Variants in RUNX2 observed in about 807,000 individuals in gnomAD.
The protein encoded by RUNX2 is runt-related transcription factor 2.
A neutral mutation model predicts 51.7 loss-of-function variants in RUNX2; 10 were observed. That is an observed-to-expected ratio of 0.19 (90% CI 0.12 to 0.33). The LOEUF (loss-of-function observed/expected upper bound fraction) is 0.33, where lower values mean the gene tolerates loss of function less well. Ranked by LOEUF, RUNX2 falls within the 10% of genes least tolerant of loss-of-function variation. The pLI is 1.00. For synonymous variants in RUNX2, 276 were observed against 273.6 expected, an observed-to-expected ratio of 1.01 and a Z score of -0.09; for missense variants, 562 against 691.3, an observed-to-expected ratio of 0.81 and a Z score of 2.10.
rs1358465768 is a variant in RUNX2, at chr6:45,395,578, A to G, written c.59-27015A>G. On this transcript the variant is annotated intron_variant, in intron 2 of 8. Coordinates refer to ENST00000647337, the MANE Select transcript of RUNX2 (RefSeq NM_001024630.4). ...AGGGGAAAATGTGTGACAAAAATTTAGCAAAAGAGGAGGCAATTTCTATGG... is the reference window on the plus strand; with the variant it reads ...AGGGGAAAATGTGTGACAAAAATTTGGCAAAAGAGGAGGCAATTTCTATGG... Among the ~76,000 whole-genome samples the G allele has an allele frequency of 2.0e-5, 3 of 152,272 alleles. No individual in the cohort carries two copies. In the East Asian group the frequency reaches 5.8e-4, roughly 29 times the overall value.
In RUNX2 at chr6:45,393,453, C is replaced by T. The variant is rs544240470; in HGVS notation, c.59-29140C>T. ...AAGATTTTTTTTTTTTTCCTGGAAA[C>T]GGAGTCTCGCTGCATAGCCCAGGCT... On this transcript the variant is annotated intron_variant, in intron 2 of 8. Transcript: ENST00000647337. 5.3e-4 allele frequency among the ~76,000 whole-genome samples: 81 copies of T among 151,434 alleles called. 1 individual carries two copies. The highest frequency in any genetic ancestry group is 1.5e-3 in the South Asian group (7 of 4,810).
chr6:45,513,416 C>G (rs1801223519), intron 7 of RUNX2: 1 of 152,234 alleles, frequency 6.6e-6, no homozygotes, highest in Admixed American at 6.5e-5. Flanking sequence ...GTGTTTCTGT[C>G]TCTGTTTCTC....
chr6:45,390,844 G>T (rs1449245989), intron 2 of RUNX2, among the ~76,000 whole-genome samples: 1 of 152,158 alleles, frequency 6.6e-6, no homozygotes, highest in Non-Finnish European at 1.5e-5. Context: ...GGTTTGTGGG[G>T]CAAGGGAGTA....
chr6:45,519,817 T>C (rs1801446296), intron 7 of RUNX2, among the ~76,000 whole-genome samples: 1 of 147,172 alleles, frequency 6.8e-6, no homozygotes, highest in African/African-American at 2.5e-5. Context: ...TGTGTGTGTG[T>C]GTGTGTGTGT....
chr6:45,410,967 A>G (rs1372438401), intron 2 of RUNX2, among the ~76,000 whole-genome samples: 1 of 152,178 alleles, frequency 6.6e-6, no homozygotes, highest in East Asian at 1.9e-4. Context: ...CCCACTTTTC[A>G]GTCTACCCAA....
chr6:45,416,181 T>C (rs1292051103), intron 2 of RUNX2, among the ~76,000 whole-genome samples: 3 of 152,198 alleles, frequency 2.0e-5, no homozygotes, highest in Non-Finnish European at 4.4e-5. Flanking sequence ...TTGCAGCTAA[T>C]AGAACCAAGT....
intron 5 of RUNX2, among the ~76,000 whole-genome samples, chr6:45,466,578 A>T (rs1270095656): frequency 6.6e-6 from 1 of 152,228 alleles, no homozygotes; most frequent in Non-Finnish European, 1.5e-5. Context: ...AAGGGTGGCC[A>T]GGATGGCATT....
intron 5 of RUNX2, among the ~76,000 whole-genome samples, chr6:45,451,079 G>A (rs1799158102): frequency 6.6e-6 from 1 of 152,148 alleles, no homozygotes; most frequent in Non-Finnish European, 1.5e-5. Context: ...GCCATTTTTG[G>A]TGAACAACTT....
chr6:45,470,133 C>A (rs1799755057), intron 5 of RUNX2, among the ~76,000 whole-genome samples: 1 of 152,070 alleles, frequency 6.6e-6, no homozygotes, highest in Non-Finnish European at 1.5e-5. Context: ...ATTAGTCGAA[C>A]CATAGGTGCT....
intron 5 of RUNX2, among the ~76,000 whole-genome samples, chr6:45,464,865 A>G (rs1799577345): frequency 6.6e-6 from 1 of 152,180 alleles, no homozygotes; most frequent in Non-Finnish European, 1.5e-5. Context: ...TGTGAATCAC[A>G]ATATCTCTTG....
intron 5 of RUNX2, among the ~76,000 whole-genome samples, chr6:45,471,381 T>G (rs1563101049): frequency 1.3e-5 from 2 of 152,102 alleles, no homozygotes; most frequent in African/African-American, 2.4e-5. Context: ...TTTGTGCATA[T>G]TTTTTCCTGT....
intron 7 of RUNX2, among the ~76,000 whole-genome samples, chr6:45,537,152 A>G (rs1802063405): frequency 6.6e-6 from 1 of 152,200 alleles, no homozygotes; most frequent in South Asian, 2.1e-4. Context: ...GGTTTGCTTC[A>G]TATCATTCAG....
intron 5 of RUNX2, among the ~76,000 whole-genome samples, chr6:45,455,184 G>A (rs1052244975): frequency 3.3e-5 from 5 of 152,212 alleles, no homozygotes; most frequent in African/African-American, 7.2e-5. Flanking sequence ...TGGAAAGCTC[G>A]TGGTTTAGAA....
At chr6:45,469,900 T>C (rs1799746662) in intron 5 of RUNX2, among the ~76,000 whole-genome samples, 2 of 152,206 alleles carry the variant, frequency 1.3e-5, no homozygotes, top group South Asian at 4.1e-4. Context: ...TGTGCAGTCT[T>C]TCCTGCCATG....
intron 2 of RUNX2, among the ~76,000 whole-genome samples, chr6:45,342,906 T>C (rs188251595): frequency 8.5e-5 from 13 of 152,288 alleles, no homozygotes; most frequent in East Asian, 1.9e-4. Context: ...TAGAATGTCA[T>C]GGAAACACAA....
At chr6:45,369,531 T>A (rs966358822) in intron 2 of RUNX2, among the ~76,000 whole-genome samples, 1 of 152,046 alleles carries the variant, frequency 6.6e-6, no homozygotes, top group East Asian at 1.9e-4. Context: ...TCCAGAGAAA[T>A]AAAAAGCTAT....
chr6:45,441,951 C>CTG (rs1798852359), intron 5 of RUNX2, among the ~76,000 whole-genome samples: 1 of 152,228 alleles, frequency 6.6e-6, no homozygotes, highest in African/African-American at 2.4e-5. Context: ...TGAACCAGTG[C>CTG]TGTCACATCA....
intron 2 of RUNX2, among the ~76,000 whole-genome samples, chr6:45,405,281 T>C (rs1797808879): frequency 6.6e-6 from 1 of 152,208 alleles, no homozygotes; most frequent in Non-Finnish European, 1.5e-5. Context: ...CGGCAGCAAA[T>C]ATCATCTCTT....
At chr6:45,446,817 C>T (rs2150377559) in intron 5 of RUNX2, among the ~76,000 whole-genome samples, 1 of 152,188 alleles carries the variant, frequency 6.6e-6, no homozygotes, top group South Asian at 2.1e-4. Context: ...TAATTAATTG[C>T]TCTTGTTTGT....
Sources: gnomAD v4.1 joint callset for allele counts (sites outside exome capture counted in the v4.1 genomes callset) on GRCh38, gnomAD v4.1.1 for gene constraint, MANE v1.5 for transcripts, NCBI Gene and HGNC (gene_info 2026-07-23, HGNC 2026-07-21) for gene names.